The following CDK1 variants were observed in gnomAD, a reference collection of about 807,000 sequenced individuals.
CDK1 encodes cyclin dependent kinase 1.
CDK1 carries 5 observed loss-of-function variants against 34.6 expected under a neutral mutation model. That is an observed-to-expected ratio of 0.14 (90% confidence interval 0.08 to 0.30). The LOEUF is 0.30. CDK1 is among the 10% of genes least tolerant of loss of function. CDK1 has a pLI of 1.00. For missense variants in CDK1, 157 were observed against 345.7 expected (o/e 0.45, Z 4.33); for synonymous variants, 108 against 114.7 (o/e 0.94, Z 0.37).
chr10:60,786,407 A>G (rs969464790), intron 4 of CDK1: 2 of 744,858 alleles, frequency 2.7e-6, no homozygotes, highest in Non-Finnish European at 3.3e-6. Context: ...GTAAAACATT[A>G]TCAAGACGTA....
chr10:60,793,783 T>C (rs1165519936), intron 7 of CDK1, 94 bp from the exon 8 acceptor site: 3 of 642,548 alleles, frequency 4.7e-6, no homozygotes, highest in African/African-American at 3.9e-5. Context: ...GTATTAGTTT[T>C]GGTTTATTGC....
Position 60,784,860 on chromosome 10 carries a change from A to C in CDK1, c.193A>C (p.Ser65Arg). The part of the protein sequence containing the change: ...LKELRHPNIV[S>R]LQDVLMQDSR... ...GGAACTTCGTCATCCAAATATAGTC[A>C]GGTATGTTGTAATATCTGAATGTAA... The change falls in exon 3 of 8, where the codon AGT becomes CGT. Residue 65 changes from serine to arginine, a missense_variant and splice_region_variant. Physicochemically the swap from Ser to Arg is moderately radical, Grantham distance 110. This residue lies in a region of CDK1 where 53 missense variants were observed against 89.2 expected (regional missense o/e 0.59). Transcript: ENST00000395284. The C allele has an allele frequency of 3.7e-6, 6 of 1,611,636 alleles. No homozygotes were observed. Among genetic ancestry groups the C allele is most frequent in the Non-Finnish European group, 5.1e-6 (6 of 1,178,170 alleles).
At chr10:60,782,289 TC>T (rs1345898304) in intron 2 of CDK1, among the ~76,000 whole-genome samples, 1 of 152,238 alleles carries the variant, frequency 6.6e-6, no homozygotes, top group Non-Finnish European at 1.5e-5. Context: ...TTTATTTTTT[TC>T]ATTGACATTA....
At chr10:60,788,782 A>G (rs1290015904) in intron 5 of CDK1, among the ~76,000 whole-genome samples, 1 of 152,130 alleles carries the variant, frequency 6.6e-6, no homozygotes, top group Non-Finnish European at 1.5e-5. Flanking sequence ...GGAACATTGT[A>G]TAATAAAGGA....
Position 60,794,058 on chromosome 10 carries a change from T to C in CDK1, c.*83T>C. On this transcript the variant is annotated 3_prime_UTR_variant, in exon 8 of 8. Coordinates refer to ENST00000395284, the MANE Select transcript of CDK1 (RefSeq NM_001786.5). ...AACTCTTGTCTATTTTTGTCTTATA[T>C]ATATTTCTTTGTTATCAAACTTCAG... 3 of 688,718 alleles carry C rather than the reference T, an allele frequency of 4.4e-6. No homozygotes were observed. Among genetic ancestry groups the C allele is most frequent in the Non-Finnish European group, 7.4e-6 (3 of 405,658 alleles). 42.7% of individuals were successfully genotyped at this position (688,718 alleles called of 1,614,324 possible).
chr10:60,785,837 G>T, intron 4 of CDK1, 50 bp downstream of exon 4: 1 of 1,493,964 alleles, frequency 6.7e-7, no homozygotes. Flanking sequence ...GGATATAAAG[G>T]GACTATATAT....
At chr10:60,785,842 A>G (rs780820433) in intron 4 of CDK1, 55 bp downstream of exon 4, 1 of 1,436,478 alleles carries the variant, frequency 7.0e-7, no homozygotes, top group Non-Finnish European at 9.3e-7. Flanking sequence ...TAAAGGGACT[A>G]TATATAGAAG....
intron 6 of CDK1, 32 bp downstream of exon 6, chr10:60,792,085 A>AC: frequency 6.2e-7 from 1 of 1,600,526 alleles, no homozygotes; most frequent in Non-Finnish European, 8.5e-7. Context: ...AATAAAGGTA[A>AC]CATATATGTA....
At chr10:60,787,109 GC>G in intron 4 of CDK1, 1 of 977,278 alleles carries the variant, frequency 1.0e-6, no homozygotes, top group Non-Finnish European at 1.2e-6. Flanking sequence ...TTATGTACAG[GC>G]AACAATGGTT....
chr10:60,781,796 G>A (rs1202002666), intron 2 of CDK1, among the ~76,000 whole-genome samples: 1 of 152,084 alleles, frequency 6.6e-6, no homozygotes, highest in African/African-American at 2.4e-5. Flanking sequence ...AGTTCCCTTT[G>A]CATCATACCA....
At chr10:60,787,986 T>G in intron 4 of CDK1, 74 bp from the exon 5 acceptor site, 1 of 764,962 alleles carries the variant, frequency 1.3e-6, no homozygotes, top group Non-Finnish European at 2.0e-6. Flanking sequence ...GTCCTAATTT[T>G]TTGTCTTTGA....
At chr10:60,793,229 T>C (rs931888766) in intron 7 of CDK1, among the ~76,000 whole-genome samples, 1 of 152,114 alleles carries the variant, frequency 6.6e-6, no homozygotes, top group Non-Finnish European at 1.5e-5. Context: ...GCAGTTTGTA[T>C]GGTGCTGGTT....
chr10:60,778,910 C>G (rs563178155), intron 1 of CDK1, among the ~76,000 whole-genome samples: 1 of 152,182 alleles, frequency 6.6e-6, no homozygotes, highest in Non-Finnish European at 1.5e-5. Context: ...TCCGCTCCCC[C>G]ACGCTGAGCG....
chr10:60,778,357 C>T (rs1173859663), upstream of CDK1: 1 of 152,332 alleles, frequency 6.6e-6, no homozygotes, highest in East Asian at 1.9e-4. Flanking sequence ...TTCTTTCGCG[C>T]TCTAGCCACC....
At chr10:60,778,463 A>T (rs2132058104), upstream of CDK1, 1 of 152,320 alleles carries the variant, frequency 6.6e-6, no homozygotes, top group Non-Finnish European at 1.5e-5. Context: ...TAGCGCGGTG[A>T]GTTTGAAACT....
chr10:60,783,511 A>G (rs1395798334), intron 2 of CDK1: 1 of 152,190 alleles, frequency 6.6e-6, no homozygotes, highest in Non-Finnish European at 1.5e-5. Flanking sequence ...CATAAAAGCT[A>G]TAGAAGAGGC....
intron 5 of CDK1, among the ~76,000 whole-genome samples, chr10:60,789,949 G>GT (rs1416158876): frequency 6.6e-6 from 1 of 152,096 alleles, no homozygotes; most frequent in Non-Finnish European, 1.5e-5. Flanking sequence ...CTCTAACTGG[G>GT]TGTGATAGCT....
chr10:60,780,294 C>A (rs908765531), intron 2 of CDK1, 92 bp downstream of exon 2: 4 of 766,794 alleles, frequency 5.2e-6, no homozygotes, highest in South Asian at 1.5e-5. Context: ...TATTAAAATT[C>A]AACCATTAAG....
At chr10:60,785,276 TC>T (rs1425050336) in intron 3 of CDK1, among the ~76,000 whole-genome samples, 2 of 152,144 alleles carry the variant, frequency 1.3e-5, no homozygotes, top group Admixed American at 6.5e-5. Context: ...AGACCTGTCT[TC>T]CTAACAGTCC....
Sources: gnomAD v4.1 joint callset for allele counts (sites outside exome capture counted in the v4.1 genomes callset) on GRCh38, gnomAD v4.1.1 for gene constraint, gnomAD v4.1.1 regional missense constraint, MANE v1.5 for transcripts, NCBI Gene and HGNC (gene_info 2026-07-23, HGNC 2026-07-21) for gene names.